Variants in PTPRD observed in about 807,000 individuals in gnomAD.
The protein encoded by PTPRD is receptor-type tyrosine-protein phosphatase delta.
A neutral mutation model predicts 214.5 loss-of-function variants in PTPRD; 34 were observed. The ratio of observed to expected loss-of-function variants is 0.16; its 90% CI spans 0.12 to 0.21. The LOEUF (loss-of-function observed/expected upper bound fraction) is 0.21. Among genes scored for constraint, PTPRD ranks in the 10% least tolerant of loss-of-function variants. The pLI, the probability that PTPRD is intolerant of heterozygous loss-of-function variation, is 1.00. For synonymous variants in PTPRD, 1,128 were observed against 845.7 expected, an observed-to-expected ratio of 1.33 and a Z score of -5.79; for missense variants, 2,545 against 2,398.7, an observed-to-expected ratio of 1.06 and a Z score of -1.27.
intron 37 of PTPRD, among the ~76,000 whole-genome samples, chr9:8,386,811 G>A (rs533474490): frequency 4.2e-4 from 64 of 152,268 alleles, no homozygotes; most frequent in African/African-American, 1.5e-3. Context: ...GCTACTTTAG[G>A]TAAAAGAGCA....
chr9:9,719,771 G>A (rs1004528647), intron 7 of PTPRD, among the ~76,000 whole-genome samples: 7 of 152,146 alleles, frequency 4.6e-5, no homozygotes, highest in Admixed American at 2.0e-4. Flanking sequence ...GGGGTTCTGC[G>A]GTTTCTGGCA....
chr9:9,803,119 G>C (rs901237593), intron 5 of PTPRD, among the ~76,000 whole-genome samples: 1 of 151,730 alleles, frequency 6.6e-6, no homozygotes, highest in African/African-American at 2.4e-5. Context: ...TATATTGCCA[G>C]ACATGTAAGC....
intron 39 of PTPRD, among the ~76,000 whole-genome samples, chr9:8,350,312 T>G (rs1037543548): frequency 1.3e-5 from 2 of 152,092 alleles, no homozygotes; most frequent in African/African-American, 4.8e-5. Context: ...AGAAAGACAA[T>G]AGAATTAGGA....
intron 4 of PTPRD, among the ~76,000 whole-genome samples, chr9:9,958,867 A>C (rs2094148605): frequency 6.6e-6 from 1 of 152,188 alleles, no homozygotes; most frequent in South Asian, 2.1e-4. Flanking sequence ...AATACTGACA[A>C]TACCAAATGC....
intron 11 of PTPRD, among the ~76,000 whole-genome samples, chr9:8,890,739 A>T (rs2098531921): frequency 6.6e-6 from 1 of 152,192 alleles, no homozygotes; most frequent in African/African-American, 2.4e-5. Context: ...CAAGCAGATA[A>T]TCTATCTGCT....
At chr9:9,170,767 C>G (rs1375972776) in intron 10 of PTPRD, among the ~76,000 whole-genome samples, 1 of 152,160 alleles carries the variant, frequency 6.6e-6, no homozygotes, top group Admixed American at 6.6e-5. Flanking sequence ...CCTAGAGAAA[C>G]AAGTAGGAAG....
intron 11 of PTPRD, among the ~76,000 whole-genome samples, chr9:9,009,259 A>T (rs2099497322): frequency 6.6e-6 from 1 of 152,110 alleles, no homozygotes; most frequent in South Asian, 2.1e-4. Flanking sequence ...ATGCTTAAGG[A>T]GAGAGAAATT....
intron 11 of PTPRD, among the ~76,000 whole-genome samples, chr9:8,932,644 A>G (rs1482154998): frequency 6.6e-6 from 1 of 152,114 alleles, no homozygotes; most frequent in Non-Finnish European, 1.5e-5. Context: ...GCCCAGTCTG[A>G]ACTTCCCAGC....
At chr9:9,592,282 G>A (rs997718186) in intron 7 of PTPRD, among the ~76,000 whole-genome samples, 2 of 151,906 alleles carry the variant, frequency 1.3e-5, no homozygotes, top group African/African-American at 4.8e-5. Flanking sequence ...TTGTGTGAAT[G>A]AGGCCTAGAT....
intron 11 of PTPRD, among the ~76,000 whole-genome samples, chr9:8,926,113 C>T (rs2098889039): frequency 6.6e-6 from 1 of 151,986 alleles, no homozygotes; most frequent in Admixed American, 6.6e-5. Flanking sequence ...TTCTTGCAGG[C>T]CCTTAACATG....
At chr9:8,553,391 C>T (rs558466068) in intron 14 of PTPRD, among the ~76,000 whole-genome samples, 3 of 152,190 alleles carry the variant, frequency 2.0e-5, no homozygotes, top group Admixed American at 6.5e-5. Flanking sequence ...CCTGGCGTGG[C>T]GTGAAAACAA....
chr9:9,091,973 G>C (rs1412550941), intron 10 of PTPRD, among the ~76,000 whole-genome samples: 1 of 152,154 alleles, frequency 6.6e-6, no homozygotes, highest in East Asian at 1.9e-4. Context: ...TGGTTTTTAA[G>C]TGTCTCTGCC....
intron 42 of PTPRD, among the ~76,000 whole-genome samples, chr9:8,339,981 A>G (rs1233623935): frequency 1.3e-5 from 2 of 152,130 alleles, no homozygotes; most frequent in African/African-American, 4.8e-5. Flanking sequence ...AAAGAAAGTC[A>G]AGTTCCTTCA....
intron 10 of PTPRD, among the ~76,000 whole-genome samples, chr9:9,055,253 A>G (rs1287339750): frequency 2.6e-5 from 4 of 152,326 alleles, no homozygotes; most frequent in South Asian, 2.1e-4. Context: ...GATTATAGTT[A>G]ACAATATTTT....
chr9:10,000,337 A>G (rs1197533967), intron 4 of PTPRD, among the ~76,000 whole-genome samples: 1 of 152,144 alleles, frequency 6.6e-6, no homozygotes, highest in Non-Finnish European at 1.5e-5. Context: ...ATCCAACCCT[A>G]TATTTTTAAC....
intron 3 of PTPRD, among the ~76,000 whole-genome samples, chr9:10,148,503 G>A (rs1485195651): frequency 6.6e-6 from 1 of 152,110 alleles, no homozygotes; most frequent in Non-Finnish European, 1.5e-5. Context: ...TGGCATCACA[G>A]TATGCTATGT....
At chr9:8,839,920 A>T (rs1350777050) in intron 11 of PTPRD, among the ~76,000 whole-genome samples, 1 of 152,200 alleles carries the variant, frequency 6.6e-6, no homozygotes, top group Non-Finnish European at 1.5e-5. Flanking sequence ...TGATGTACTG[A>T]ATAGCAAATT....
chr9:8,721,957 G>A (rs1295006193), intron 12 of PTPRD, among the ~76,000 whole-genome samples: 2 of 152,186 alleles, frequency 1.3e-5, no homozygotes, highest in Non-Finnish European at 2.9e-5. Flanking sequence ...GTTCTCAATT[G>A]GGTGATTTTG....
chr9:8,958,666 A>T (rs988724257), intron 11 of PTPRD: 3 of 152,008 alleles, frequency 2.0e-5, no homozygotes, highest in Non-Finnish European at 4.4e-5. Flanking sequence ...TACAGAAGGA[A>T]TTGAGCCTAG....
Sources: gnomAD v4.1 joint callset for allele counts (sites outside exome capture counted in the v4.1 genomes callset) on GRCh38, gnomAD v4.1.1 for gene constraint, MANE v1.5 for transcripts, NCBI Gene and HGNC (gene_info 2026-07-23, HGNC 2026-07-21) for gene names.